The following CHN2 variants were observed in gnomAD, a reference collection of about 807,000 sequenced individuals.
CHN2 encodes the protein chimerin 2.
Under a neutral mutation model 56.3 loss-of-function variants are expected in CHN2, and 35 were observed. That is an observed-to-expected ratio of 0.62 (90% CI 0.47 to 0.82). The LOEUF (loss-of-function observed/expected upper bound fraction) is 0.82, where lower values mean the gene tolerates loss of function less well. Among genes scored for constraint, CHN2 ranks in the 40% least tolerant of loss-of-function variants. The pLI, the probability that CHN2 is intolerant of heterozygous loss-of-function variation, is 0.00. For synonymous variants in CHN2, 210 were observed against 212.8 expected (o/e 0.99, Z 0.12); for missense variants, 491 against 580.5 (o/e 0.85, Z 1.58).
At chr7:29,351,847 A>C (rs541582336) in intron 1 of CHN2, among the ~76,000 whole-genome samples, 1 of 152,324 alleles carries the variant, frequency 6.6e-6, no homozygotes, top group South Asian at 2.1e-4. Flanking sequence ...TTCCATGTGC[A>C]GGGAAGACCT....
intron 1 of CHN2, among the ~76,000 whole-genome samples, chr7:29,354,228 C>T (rs1035012110): frequency 6.6e-6 from 1 of 152,210 alleles, no homozygotes; most frequent in Non-Finnish European, 1.5e-5. Flanking sequence ...GTCTTGCCCT[C>T]AAGTCTTCAT....
At chr7:29,346,999 T>C (rs1312731701) in intron 1 of CHN2, among the ~76,000 whole-genome samples, 1 of 152,122 alleles carries the variant, frequency 6.6e-6, no homozygotes, top group Non-Finnish European at 1.5e-5. Context: ...CTGCACTCCA[T>C]GGCCATATGT....
In CHN2 at chr7:29,149,045, G is replaced by A. The variant is rs17756163; in HGVS notation, c.274+2085G>A. Among the ~76,000 whole-genome samples, 24 of 152,108 alleles carry A rather than the reference G, an allele frequency of 1.6e-4. 1 individual carries two copies. Among genetic ancestry groups the A allele is most frequent in the Non-Finnish European group, 2.9e-5 (2 of 68,026 alleles). On this transcript the variant is annotated intron_variant, in intron 2 of 6. Transcript: ENST00000439384. ...GTGCTCTTGGACAGATGGACTGTGC[G>A]ACACCAGGCGTGTTCAGGGTGGGTC... is the stretch of plus-strand genomic sequence containing the variant.
chr7:29,326,129 A>T (rs936959215), intron 1 of CHN2, among the ~76,000 whole-genome samples: 5 of 151,190 alleles, frequency 3.3e-5, no homozygotes, highest in African/African-American at 1.2e-4. Context: ...TAGAGAAATT[A>T]TTGTTTGTTT....
chr7:29,369,004 A>G (rs1009796755), intron 3 of CHN2, among the ~76,000 whole-genome samples: 1 of 152,194 alleles, frequency 6.6e-6, no homozygotes, highest in African/African-American at 2.4e-5. Flanking sequence ...TTGTCCTGTC[A>G]CTAACTCTGC....
chr7:29,302,238 ACTTCTGCTTCTTCTG>A (rs1793733424), intron 1 of CHN2, among the ~76,000 whole-genome samples: 1 of 151,564 alleles, frequency 6.6e-6, no homozygotes, highest in East Asian at 1.9e-4. Context: ...TGCTGCAGCT[ACTTCTGCTTCTTCTG>A]CTGCTGCTTC....
At chr7:29,490,136 A>C (rs947885082) in intron 7 of CHN2, among the ~76,000 whole-genome samples, 11 of 144,736 alleles carry the variant, frequency 7.6e-5, no homozygotes, top group East Asian at 4.1e-4. Flanking sequence ...TTGAAACACC[A>C]TTTGCCAGAA....
chr7:29,380,284 A>AT (rs1413332880), intron 3 of CHN2, among the ~76,000 whole-genome samples: 5 of 117,578 alleles, frequency 4.3e-5, no homozygotes, highest in Non-Finnish European at 7.9e-5. Context: ...TTTGGTTCTT[A>AT]CCAAAAAAAA....
chr7:29,479,806 C>T, intron 6 of CHN2: 1 of 1,242,178 alleles, frequency 8.1e-7, no homozygotes, highest in Non-Finnish European at 1.0e-6. Context: ...CCCCTGCCTC[C>T]CTGAATCCTC....
At chr7:29,473,450 G>T (rs987183163) in intron 6 of CHN2, among the ~76,000 whole-genome samples, 2 of 138,832 alleles carry the variant, frequency 1.4e-5, no homozygotes, top group Non-Finnish European at 3.1e-5. Flanking sequence ...AGCATGGGGT[G>T]TTTGTGTGTG....
intron 1 of CHN2, among the ~76,000 whole-genome samples, chr7:29,203,300 C>T (rs1021479047): frequency 1.3e-4 from 20 of 151,768 alleles, no homozygotes; most frequent in African/African-American, 4.4e-4. Context: ...AACCTGGTCT[C>T]TACTAAAAAT....
chr7:29,354,294 C>A (rs1193325264), intron 1 of CHN2, among the ~76,000 whole-genome samples: 1 of 152,142 alleles, frequency 6.6e-6, no homozygotes, highest in African/African-American at 2.4e-5. Context: ...TTTACTATGC[C>A]AAGTTAAGTA....
At chr7:29,367,005 T>C (rs1408348110) in intron 2 of CHN2, among the ~76,000 whole-genome samples, 1 of 152,238 alleles carries the variant, frequency 6.6e-6, no homozygotes, top group Non-Finnish European at 1.5e-5. Context: ...CTAGTCTTTT[T>C]AACTTTTTGT....
intron 1 of CHN2, among the ~76,000 whole-genome samples, chr7:29,297,281 C>G (rs1036264085): frequency 3.3e-5 from 5 of 152,206 alleles, no homozygotes; most frequent in African/African-American, 1.2e-4. Context: ...ACCCCCCATT[C>G]TCCTAGTGTT....
intron 6 of CHN2, among the ~76,000 whole-genome samples, chr7:29,406,697 G>T (rs953602631): frequency 6.6e-6 from 1 of 152,190 alleles, no homozygotes; most frequent in Non-Finnish European, 1.5e-5. Context: ...TGGGAGGCTG[G>T]TTAGAAATGC....
intron 6 of CHN2, among the ~76,000 whole-genome samples, chr7:29,460,673 C>G (rs1785099313): frequency 6.6e-6 from 1 of 152,198 alleles, no homozygotes; most frequent in African/African-American, 2.4e-5. Flanking sequence ...ATCAGTAATT[C>G]TTAGAGTCCA....
Position 29,263,219 on chromosome 7 carries a change from G to A in CHN2, c.49+68229G>A, listed in dbSNP as rs567003374. On this transcript the variant is annotated intron_variant, in intron 1 of 12. Transcript: ENST00000222792. ...GGTTTTCGTATTTTTTGGTGGAGACGGGGTTTCGCCGTGTTGGCCGGGCTG... is the reference window on the plus strand; with the variant it reads ...GGTTTTCGTATTTTTTGGTGGAGACAGGGTTTCGCCGTGTTGGCCGGGCTG... Among the ~76,000 whole-genome samples, 111 of 152,292 alleles carry A rather than the reference G, an allele frequency of 7.3e-4. 3 individuals are homozygous for A. In the South Asian group the frequency reaches 0.015, roughly 21 times the overall value.
intron 6 of CHN2, among the ~76,000 whole-genome samples, chr7:29,437,444 A>G (rs1783313642): frequency 7.6e-6 from 1 of 131,352 alleles, no homozygotes; most frequent in Non-Finnish European, 1.6e-5. Flanking sequence ...TAAAAATACA[A>G]AAAATTAGCC....
At chr7:29,300,563 G>T (rs948129911) in intron 1 of CHN2, among the ~76,000 whole-genome samples, 1 of 152,148 alleles carries the variant, frequency 6.6e-6, no homozygotes, top group Non-Finnish European at 1.5e-5. Context: ...AGCCAGAGAT[G>T]CAGCGTAATA....
Sources: gnomAD v4.1 joint callset for allele counts (sites outside exome capture counted in the v4.1 genomes callset) on GRCh38, gnomAD v4.1.1 for gene constraint, MANE v1.5 for transcripts, NCBI Gene and HGNC (gene_info 2026-07-23, HGNC 2026-07-21) for gene names.